The following ZDHHC17 variants were observed in gnomAD, a reference collection of about 807,000 sequenced individuals.
ZDHHC17 encodes palmitoyltransferase ZDHHC17.
Under a neutral mutation model 90.3 loss-of-function variants are expected in ZDHHC17, and 40 were observed. The ratio of observed to expected loss-of-function variants is 0.44; its 90% CI spans 0.34 to 0.58. The LOEUF is 0.58. Among genes scored for constraint, ZDHHC17 ranks in the 20% least tolerant of loss-of-function variants. The pLI is 0.01. For missense variants in ZDHHC17, 614 were observed against 780.8 expected, an observed-to-expected ratio of 0.79 and a Z score of 2.55; for synonymous variants, 235 against 252.4, an observed-to-expected ratio of 0.93 and a Z score of 0.65.
At chr12:76,818,510 G>A (rs1274627385) in intron 7 of ZDHHC17, among the ~76,000 whole-genome samples, 1 of 152,182 alleles carries the variant, frequency 6.6e-6, no homozygotes, top group East Asian at 1.9e-4. Context: ...GTGATAGAAT[G>A]ACTGGGATGG....
intron 2 of ZDHHC17, among the ~76,000 whole-genome samples, chr12:76,799,862 T>G (rs1399909954): frequency 1.3e-5 from 2 of 152,150 alleles, no homozygotes; most frequent in East Asian, 3.9e-4. Flanking sequence ...GGATTTTGGA[T>G]TTTTTTGGAT....
In ZDHHC17 at chr12:76,797,731, T is replaced by G. The variant is rs558531033; in HGVS notation, c.197+194T>G. On this transcript the variant is annotated intron_variant, in intron 2 of 16. Transcript: ENST00000426126. ...GCCGAGGAGGGTGGATCACCTGAGG[T>G]CAGGAGTTTGAGACCAGCCTGGCCG... 8.3e-4 allele frequency among the ~76,000 whole-genome samples: 127 copies of G among 152,122 alleles called. 1 individual carries two copies. The highest frequency in any genetic ancestry group is 1.6e-3 in the Non-Finnish European group (106 of 68,000).
chr12:76,823,974 GT>G (rs2137780745), intron 8 of ZDHHC17, among the ~76,000 whole-genome samples: 1 of 152,166 alleles, frequency 6.6e-6, no homozygotes, highest in Admixed American at 6.5e-5. Flanking sequence ...AAAAATGGCT[GT>G]CTTATGATAA....
intron 1 of ZDHHC17, among the ~76,000 whole-genome samples, chr12:76,774,082 C>T (rs1952528000): frequency 6.6e-6 from 1 of 151,826 alleles, no homozygotes; most frequent in Non-Finnish European, 1.5e-5. Flanking sequence ...ATCCCTGTCT[C>T]TACAAAAAAA....
intron 11 of ZDHHC17, among the ~76,000 whole-genome samples, 155 bp from the exon 12 acceptor site, chr12:76,842,764 G>T (rs1251911241): frequency 1.3e-5 from 2 of 152,066 alleles, no homozygotes; most frequent in Non-Finnish European, 2.9e-5. Context: ...TTCTTGCAAT[G>T]AAATAGCAGT....
chr12:76,806,386 C>T (rs1463510635), intron 3 of ZDHHC17, among the ~76,000 whole-genome samples: 1 of 152,140 alleles, frequency 6.6e-6, no homozygotes, highest in African/African-American at 2.4e-5. Context: ...TCAAGCAATT[C>T]TCCTGCCTCA....
chr12:76,802,013 T>C (rs1952897575), intron 2 of ZDHHC17, among the ~76,000 whole-genome samples: 1 of 152,238 alleles, frequency 6.6e-6, no homozygotes, highest in Admixed American at 6.5e-5. Flanking sequence ...TACTAGGTTT[T>C]GTAATTGCCC....
chr12:76,786,999 A>G (rs1039634108), intron 1 of ZDHHC17, among the ~76,000 whole-genome samples: 2 of 152,246 alleles, frequency 1.3e-5, no homozygotes, highest in African/African-American at 4.8e-5. Context: ...CATTCAAATT[A>G]CATTTTGGTA....
At chr12:76,820,994 A>G (rs1393506038) in intron 7 of ZDHHC17, 1 of 994,494 alleles carries the variant, frequency 1.0e-6, no homozygotes, top group Non-Finnish European at 1.4e-6. Context: ...CTATACAAAA[A>G]TAGTTAGATG....
At chr12:76,776,948 T>A (rs908266941) in intron 1 of ZDHHC17, among the ~76,000 whole-genome samples, 3 of 152,222 alleles carry the variant, frequency 2.0e-5, no homozygotes, top group Admixed American at 6.5e-5. Flanking sequence ...TTGAACTTTT[T>A]AAAATAGTTG....
At chr12:76,801,770 C>T (rs889108097) in intron 2 of ZDHHC17, among the ~76,000 whole-genome samples, 2 of 152,144 alleles carry the variant, frequency 1.3e-5, no homozygotes, top group African/African-American at 2.4e-5. Context: ...CTCATCTATA[C>T]GCTTTTTAGT....
chr12:76,827,800 A>G (rs914350386), intron 9 of ZDHHC17, among the ~76,000 whole-genome samples: 2 of 152,140 alleles, frequency 1.3e-5, no homozygotes, highest in African/African-American at 4.8e-5. Flanking sequence ...GGGTATAAAT[A>G]GGAAGTCACT....
intron 5 of ZDHHC17, among the ~76,000 whole-genome samples, chr12:76,810,816 G>A (rs1953010596): frequency 6.6e-6 from 1 of 152,168 alleles, no homozygotes; most frequent in Non-Finnish European, 1.5e-5. Flanking sequence ...GGCTTGGCTG[G>A]ATGGTTTTTC....
At chr12:76,766,204 C>A (rs1952429106) in intron 1 of ZDHHC17, among the ~76,000 whole-genome samples, 3 of 152,202 alleles carry the variant, frequency 2.0e-5, no homozygotes. Context: ...AAGTCAACCT[C>A]CTCATCATTG....
chr12:76,768,938 CG>C (rs1263445087), intron 1 of ZDHHC17: 9 of 168,996 alleles, frequency 5.3e-5, no homozygotes, highest in Non-Finnish European at 7.9e-5. Context: ...TTTATGGTAA[CG>C]TTTTTTATTT....
At position 76,845,713 on chromosome 12, in the gene ZDHHC17, G is replaced by T. The variant is rs751699502; in HGVS notation, c.1334G>T (p.Arg445Leu). 1.3e-6 allele frequency: 2 copies of T among 1,597,088 alleles called. No homozygotes were observed. Among genetic ancestry groups the T allele is most frequent in the Non-Finnish European group, 1.7e-6 (2 of 1,169,314 alleles). ...LSIFCSTCLI[R>L]KPVRSKHCGV... is the part of the protein sequence containing the mutation. ...CTTTAACATGCCTATTAACAGATAC[G>T]AAAACCGGTGAGGTCCAAACATTGT... Residue 445 changes from arginine (R) to leucine (L), a missense_variant, in exon 13 of 17, where the codon CGA becomes CTA. Physicochemically the swap from Arg to Leu is moderately radical, Grantham distance 102. Coordinates refer to ENST00000426126, the MANE Select transcript of ZDHHC17 (RefSeq NM_015336.4).
chr12:76,779,428 G>A (rs1952598677), intron 1 of ZDHHC17, among the ~76,000 whole-genome samples: 1 of 152,116 alleles, frequency 6.6e-6, no homozygotes, highest in African/African-American at 2.4e-5. Flanking sequence ...CGTCTTACAT[G>A]GTGATAGGCA....
chr12:76,764,308 T>C lies in ZDHHC17; in HGVS notation c.72T>C (p.Cys24=), dbSNP rs754044344. The C allele has an allele frequency of 1.9e-6, 3 of 1,603,764 alleles. No homozygotes were observed. The highest frequency in any genetic ancestry group is 2.6e-6 in the Non-Finnish European group (3 of 1,175,298). Residue 24 remains cysteine (C), a synonymous_variant, in exon 1 of 17, where the codon TGT becomes TGC. Transcript: ENST00000426126. ...ATGAGTACGATACCGAAGCGGGCTG[T>C]GTGCCCCTTCTCCACCCAGAGGTGA... ...GPDEYDTEAG[C]VPLLHPEEIK...
At chr12:76,835,469 A>T (rs915460563) in intron 10 of ZDHHC17, among the ~76,000 whole-genome samples, 2 of 152,142 alleles carry the variant, frequency 1.3e-5, no homozygotes, top group Non-Finnish European at 2.9e-5. Flanking sequence ...TTTCTTATGT[A>T]GAAGTTTATA....
Sources: allele counts gnomAD v4.1 joint callset (sites outside exome capture counted in the v4.1 genomes callset), GRCh38; gene constraint gnomAD v4.1.1; transcripts MANE v1.5; gene names NCBI Gene and HGNC (gene_info 2026-07-23, HGNC 2026-07-21).